Variants in TGM2 observed in about 807,000 individuals in gnomAD.
TGM2 encodes protein-glutamine gamma-glutamyltransferase 2.
A neutral mutation model predicts 75.6 loss-of-function variants in TGM2; 53 were observed. That is an observed-to-expected ratio of 0.70 (90% CI 0.56 to 0.88). The LOEUF is 0.88. TGM2 is among the 40% of genes least tolerant of loss of function. The probability of loss-of-function intolerance (pLI) is 0.00; values close to 1 mark genes in which losing one functional copy is unlikely to be tolerated. For missense variants in TGM2, 842 were observed against 928.5 expected (o/e 0.91, Z 1.21); for synonymous variants, 374 against 381.1 (o/e 0.98, Z 0.22).
intron 6 of TGM2, chr20:38,146,407 G>A (rs1262092208): frequency 6.4e-6 from 3 of 467,692 alleles, no homozygotes; most frequent in African/African-American, 5.9e-5. Flanking sequence ...AGAGCAAGTG[G>A]TGGGAGGGAG....
intron 6 of TGM2, chr20:38,146,354 G>A (rs1275811932): frequency 3.0e-5 from 11 of 372,738 alleles, no homozygotes; most frequent in East Asian, 6.7e-5. Context: ...TTTTCCAGAC[G>A]AGGAAACTGA....
chr20:38,161,740 C>T, intron 1 of TGM2, 141 bp from the exon 2 acceptor site: 1 of 1,005,852 alleles, frequency 9.9e-7, no homozygotes, highest in East Asian at 2.5e-5. Context: ...GACCTGTCTC[C>T]CCAGCCCTGG....
intron 3 of TGM2, among the ~76,000 whole-genome samples, chr20:38,155,598 T>A (rs948855173): frequency 6.6e-6 from 1 of 152,120 alleles, no homozygotes; most frequent in African/African-American, 2.4e-5. Flanking sequence ...TTCTCCCTCC[T>A]CAGCCTCCCA....
rs2074970739 is a variant in TGM2, at chr20:38,141,330, AC to A, written c.1050del (p.Tyr351ThrfsTer34). 1.3e-6 allele frequency: 2 copies of A among 1,591,032 alleles called. No homozygotes were observed. The highest frequency in any genetic ancestry group is 1.7e-6 in the Non-Finnish European group (2 of 1,169,146). ...SWMTRPDLQP[G>X]YEGWQALDPT... ...GGGTCCAGGGCCTGCCAGCCCTCGTACCCCGGCTGCAGGTCCGGCCTGGTCA... is the reference window on the plus strand; with the variant it reads ...GGGTCCAGGGCCTGCCAGCCCTCGTACCCGGCTGCAGGTCCGGCCTGGTCA... On this transcript the variant is annotated frameshift_variant, in exon 8 of 13. Coordinates refer to ENST00000361475, the MANE Select transcript of TGM2 (RefSeq NM_004613.4). LOFTEE classifies it high-confidence loss of function.
chr20:38,167,624 C>T (rs1021767616), upstream of TGM2, among the ~76,000 whole-genome samples: 3 of 152,196 alleles, frequency 2.0e-5, no homozygotes, highest in Non-Finnish European at 4.4e-5. Flanking sequence ...TAGTCATGAA[C>T]CACTGTGCCC....
chr20:38,166,622 G>A (rs1233538271), upstream of TGM2: 1 of 152,216 alleles, frequency 6.6e-6, no homozygotes, highest in Non-Finnish European at 1.5e-5. Flanking sequence ...AGAACAAGCT[G>A]TACATTCCGG....
At chr20:38,146,261 C>T (rs1405506145) in intron 6 of TGM2, 8 of 186,560 alleles carry the variant, frequency 4.3e-5, no homozygotes, top group South Asian at 2.2e-4. Context: ...TAATATTTGC[C>T]GAGAGTGACA....
chr20:38,154,354 C>T (rs1439091444), intron 3 of TGM2, among the ~76,000 whole-genome samples: 2 of 152,188 alleles, frequency 1.3e-5, no homozygotes, highest in Admixed American at 6.5e-5. Flanking sequence ...ACACCCGATT[C>T]CCAGGAGGGG....
At chr20:38,160,989 C>G (rs2075245383) in intron 2 of TGM2, among the ~76,000 whole-genome samples, 1 of 152,016 alleles carries the variant, frequency 6.6e-6, no homozygotes, top group African/African-American at 2.4e-5. Flanking sequence ...TTTTTTACTA[C>G]AGACAGGGTT....
chr20:38,138,193 C>A lies in TGM2; in HGVS notation c.1535G>T (p.Arg512Leu). 1.2e-6 allele frequency: 2 copies of A among 1,608,530 alleles called. No individual in the cohort carries two copies. Among genetic ancestry groups the A allele is most frequent in the Admixed American group, 3.4e-5 (2 of 59,026 alleles). Reference protein sequence around the residue: ...EYVCRLLLCARTVSYNGILGP... With the variant: ...EYVCRLLLCALTVSYNGILGP... ...CAAGATCCCATTGTAGCTGACGGTGCGGGCACAGAGCAGGAGGCGGCAGAC... is the reference window on the plus strand; with the variant it reads ...CAAGATCCCATTGTAGCTGACGGTGAGGGCACAGAGCAGGAGGCGGCAGAC... The change falls in exon 10 of 13, where the codon CGC (arginine) becomes CTC (leucine). Residue 512 changes from arginine to leucine, a missense_variant. Physicochemically the swap from Arg to Leu is moderately radical, Grantham distance 102 (BLOSUM62 -2). Transcript: ENST00000361475.
rs45607033 is a variant in TGM2, at chr20:38,152,223, G to A, written c.434-1166C>T. Among the ~76,000 whole-genome samples, 1,455 of 152,240 alleles carry A rather than the reference G, an allele frequency of 9.6e-3. 12 individuals carry two copies. Among genetic ancestry groups the A allele is most frequent in the Non-Finnish European group, 0.015 (1,049 of 68,016 alleles). ...TCAGGCCCCAGGCACAGTGCCTGCC[G>A]GGTCTAATGGAGAAGCTGGCCTGGG... On this transcript the variant is annotated intron_variant, in intron 3 of 12. Transcript: ENST00000361475.
intron 8 of TGM2, among the ~76,000 whole-genome samples, chr20:38,140,573 C>T (rs1298221340): frequency 6.6e-6 from 1 of 152,166 alleles, no homozygotes; most frequent in Non-Finnish European, 1.5e-5. Flanking sequence ...GCACTTAGGA[C>T]TTGTCACTCA....
intron 6 of TGM2, among the ~76,000 whole-genome samples, chr20:38,142,669 A>G (rs2074990817): frequency 6.6e-6 from 1 of 152,226 alleles, no homozygotes; most frequent in African/African-American, 2.4e-5. Context: ...AGATTGCACC[A>G]CTGCACTCCA....
At chr20:38,151,396 C>G (rs900868924) in intron 3 of TGM2, among the ~76,000 whole-genome samples, 1 of 152,096 alleles carries the variant, frequency 6.6e-6, no homozygotes, top group African/African-American at 2.4e-5. Flanking sequence ...AACTAAGGCT[C>G]AGGAATATTT....
intron 8 of TGM2, among the ~76,000 whole-genome samples, chr20:38,140,830 A>G (rs762556366): frequency 2.0e-5 from 3 of 152,196 alleles, no homozygotes; most frequent in Non-Finnish European, 4.4e-5. Flanking sequence ...ATTTAAAAAT[A>G]TTCCTAGAAA....
intron 2 of TGM2, among the ~76,000 whole-genome samples, chr20:38,160,314 C>G (rs1318615778): frequency 6.6e-6 from 1 of 152,222 alleles, no homozygotes; most frequent in Non-Finnish European, 1.5e-5. Flanking sequence ...GAAACCAGAC[C>G]CACTGATTTG....
chr20:38,130,135 AGAAGG>A lies in TGM2; in HGVS notation c.*79_*83del. 1 of 1,576,200 alleles carries A rather than the reference AGAAGG, an allele frequency of 6.3e-7. No homozygotes were observed. The highest frequency in any genetic ancestry group is 8.6e-7 in the Non-Finnish European group (1 of 1,159,124). ...ACCCTGCCCTGGGGTCTGGGGCCCA[AGAAGG>A]GGCATATTTTGCTCACTAGCTTGGG... On this transcript the variant is annotated 3_prime_UTR_variant, in exon 13 of 13. Transcript: ENST00000361475.
chr20:38,161,023 T>C lies in TGM2; in HGVS notation c.190+397A>G, dbSNP rs45508197. On this transcript the variant is annotated intron_variant, in intron 2 of 12. Coordinates refer to ENST00000361475, the MANE Select transcript of TGM2 (RefSeq NM_004613.4). ...TTTCTCCACGTTGGTCAGGCTGGTC[T>C]TGAACTCCCAACCTCAGGTGATCCG... Among the ~76,000 whole-genome samples the C allele has an allele frequency of 3.0e-3, 462 of 152,238 alleles. 4 individuals carry two copies. Among genetic ancestry groups the C allele is most frequent in the African/African-American group, 0.011 (439 of 41,544 alleles).
intron 10 of TGM2, chr20:38,133,011 AG>A (rs2074855873): frequency 2.7e-6 from 1 of 370,688 alleles, no homozygotes; most frequent in Non-Finnish European, 5.4e-6. Flanking sequence ...CAACCCTAAA[AG>A]GCTTGTACGT....
Sources: allele counts gnomAD v4.1 joint callset (sites outside exome capture counted in the v4.1 genomes callset), GRCh38; gene constraint gnomAD v4.1.1; transcripts MANE v1.5; gene names NCBI Gene and HGNC (gene_info 2026-07-23, HGNC 2026-07-21).